The following ZDHHC11B variants were observed in gnomAD, a reference collection of about 807,000 sequenced individuals.
The protein encoded by ZDHHC11B is zDHHC palmitoyltransferase 11B (putative).
Under a neutral mutation model 42.3 loss-of-function variants are expected in ZDHHC11B, and 17 were observed. That is an observed-to-expected ratio of 0.40 (90% CI 0.27 to 0.60). The LOEUF is 0.60. Ranked by LOEUF, ZDHHC11B falls within the 20% of genes least tolerant of loss-of-function variation. The probability of loss-of-function intolerance (pLI) is 0.41; values close to 1 mark genes in which losing one functional copy is unlikely to be tolerated. For missense variants in ZDHHC11B, 262 were observed against 463.2 expected, an observed-to-expected ratio of 0.57 and a Z score of 3.99; for synonymous variants, 123 against 193.5, an observed-to-expected ratio of 0.64 and a Z score of 3.02.
At chr5:763,864 A>AT (rs1391668931) in intron 4 of ZDHHC11B, among the ~76,000 whole-genome samples, 1 of 151,898 alleles carries the variant, frequency 6.6e-6, no homozygotes, top group Non-Finnish European at 1.5e-5. Flanking sequence ...GATGTCCGAG[A>AT]TTTTTAAAGG....
chr5:736,842 T>C (rs1253876669), intron 10 of ZDHHC11B, among the ~76,000 whole-genome samples: 17 of 128,906 alleles, frequency 1.3e-4, no homozygotes, highest in Non-Finnish European at 2.5e-4. Context: ...TTCACAGCAT[T>C]AAATGGCCAC....
chr5:745,526 T>C (rs1253587305), intron 8 of ZDHHC11B, among the ~76,000 whole-genome samples: 2 of 149,852 alleles, frequency 1.3e-5, no homozygotes, highest in Admixed American at 6.8e-5. Flanking sequence ...AGCTGCGACC[T>C]GGGGAACGGT....
At chr5:767,313 C>A in intron 3 of ZDHHC11B, 79 bp downstream of exon 3, 1 of 1,473,448 alleles carries the variant, frequency 6.8e-7, no homozygotes, top group Non-Finnish European at 9.3e-7. Flanking sequence ...CACCCACACA[C>A]ATGTGGGGCT....
At chr5:763,951 C>T (rs1441324679) in intron 4 of ZDHHC11B, among the ~76,000 whole-genome samples, 1 of 151,890 alleles carries the variant, frequency 6.6e-6, no homozygotes, top group African/African-American at 2.4e-5. Context: ...TGACTGGCAC[C>T]TGCGGGTCCG....
intron 1 of ZDHHC11B, among the ~76,000 whole-genome samples, chr5:783,239 C>A (rs1383153690): frequency 6.6e-6 from 1 of 152,358 alleles, no homozygotes; most frequent in African/African-American, 2.4e-5. Context: ...GCCCCTCCCC[C>A]ACAGGCCCTC....
chr5:733,022 C>A (rs185228153), intron 11 of ZDHHC11B, among the ~76,000 whole-genome samples: 2,140 of 151,596 alleles, frequency 0.014, 60 homozygotes, highest in African/African-American at 0.018. Context: ...CCACCACTGC[C>A]ATCCATGTTG....
chr5:766,956 C>T, intron 3 of ZDHHC11B, 37 bp from the exon 4 acceptor site: 1 of 1,601,386 alleles, frequency 6.2e-7, no homozygotes, highest in South Asian at 1.1e-5. Flanking sequence ...GCGCCATCAG[C>T]TCCGGGGAGG....
chr5:724,453 G>A (rs1271841692), intron 12 of ZDHHC11B, among the ~76,000 whole-genome samples: 3 of 129,924 alleles, frequency 2.3e-5, no homozygotes, highest in African/African-American at 8.9e-5. Context: ...TCGGCTCACT[G>A]CAAGCTCCGC....
rs540561335 is a variant in ZDHHC11B, at chr5:775,380, C to T, written c.-229-6450G>A. On this transcript the variant is annotated intron_variant, in intron 1 of 13. Coordinates refer to ENST00000508859, the MANE Select transcript of ZDHHC11B (RefSeq NM_001351303.2). ...AGCCGCTCCCCATCTCCCTCGCACC[C>T]GATGGCCTCATGCAGGCACAGCCTG... Among the ~76,000 whole-genome samples the T allele has an allele frequency of 1.5e-3, 235 of 152,028 alleles. 4 individuals are homozygous for T. Among genetic ancestry groups the T allele is most frequent in the Non-Finnish European group, 2.7e-3 (181 of 67,912 alleles).
chr5:784,649 G>T lies in ZDHHC11B; in HGVS notation c.-230+19C>A, dbSNP rs1454115433. ...CCCCCCGCGCCGCGCCCGCAGGACC[G>T]AGCCCCGCGCCCGCTTACCTTGGAG... On this transcript the variant is annotated intron_variant, in intron 1 of 13. Transcript: ENST00000508859. Among the ~76,000 whole-genome samples, 5 of 150,806 alleles carry T rather than the reference G, an allele frequency of 3.3e-5. No individual in the cohort carries two copies. Among genetic ancestry groups the T allele is most frequent in the Non-Finnish European group, 5.9e-5 (4 of 67,426 alleles).
intron 4 of ZDHHC11B, among the ~76,000 whole-genome samples, chr5:765,297 C>T (rs1156383743): frequency 1.3e-5 from 2 of 151,302 alleles, no homozygotes; most frequent in East Asian, 3.9e-4. Flanking sequence ...CTGTATCTAG[C>T]TAATCTGGTG....
intron 12 of ZDHHC11B, among the ~76,000 whole-genome samples, chr5:717,679 C>A (rs539259993): frequency 2.6e-5 from 4 of 151,878 alleles, no homozygotes; most frequent in East Asian, 1.9e-4. Flanking sequence ...AGAGGGAAAC[C>A]TTTCTTGGAT....
At chr5:723,394 A>C in intron 12 of ZDHHC11B, among the ~76,000 whole-genome samples, 1 of 128,650 alleles carries the variant, frequency 7.8e-6, no homozygotes, top group Non-Finnish European at 1.7e-5. Context: ...CTTGTGAGGA[A>C]TAGGGGCTCA....
At chr5:717,105 T>C (rs1741808522) in intron 12 of ZDHHC11B, among the ~76,000 whole-genome samples, 1 of 151,296 alleles carries the variant, frequency 6.6e-6, no homozygotes, top group African/African-American at 2.4e-5. Context: ...AGAGACAAAG[T>C]GTGCTTTCCC....
chr5:759,357 G>T (rs1734280574), intron 4 of ZDHHC11B, among the ~76,000 whole-genome samples: 1 of 151,890 alleles, frequency 6.6e-6, no homozygotes, highest in Non-Finnish European at 1.5e-5. Flanking sequence ...CTACTCCTGG[G>T]GCCCGGTGCG....
intron 13 of ZDHHC11B, among the ~76,000 whole-genome samples, chr5:713,803 G>T (rs1458192083): frequency 1.2e-4 from 18 of 151,994 alleles, no homozygotes; most frequent in East Asian, 5.8e-4. Flanking sequence ...GAAGTGAGTT[G>T]CTTCTAGTTT....
intron 4 of ZDHHC11B, among the ~76,000 whole-genome samples, chr5:764,170 C>T (rs414978): frequency 0.062 from 9,354 of 150,466 alleles, 437 homozygotes; most frequent in East Asian, 0.24. Context: ...GAGACTTGCC[C>T]GGGATGGCCC....
intron 4 of ZDHHC11B, among the ~76,000 whole-genome samples, chr5:763,163 T>A (rs1382359283): frequency 5.9e-5 from 9 of 151,346 alleles, no homozygotes; most frequent in Admixed American, 2.0e-4. Context: ...AGGTCAGGAG[T>A]TCAAGACCAG....
At chr5:749,177 C>T (rs1335618561) in intron 7 of ZDHHC11B, among the ~76,000 whole-genome samples, 1 of 129,908 alleles carries the variant, frequency 7.7e-6, no homozygotes, top group African/African-American at 2.5e-5. Context: ...TCCTCATGGC[C>T]CACGCTGTGT....
Sources: gnomAD v4.1 joint callset for allele counts (sites outside exome capture counted in the v4.1 genomes callset) on GRCh38, gnomAD v4.1.1 for gene constraint, MANE v1.5 for transcripts, NCBI Gene and HGNC (gene_info 2026-07-23, HGNC 2026-07-21) for gene names.